Variants in GRB14 observed in about 807,000 individuals in gnomAD.
GRB14 encodes the protein growth factor receptor bound protein 14, also known as growth factor receptor-bound protein 14.
Under a neutral mutation model 69.1 loss-of-function variants are expected in GRB14, and 38 were observed. The ratio of observed to expected loss-of-function variants is 0.55; its 90% CI spans 0.42 to 0.72. GRB14 has a LOEUF of 0.72. Ranked by LOEUF, GRB14 falls within the 30% of genes least tolerant of loss-of-function variation. The probability of loss-of-function intolerance (pLI) is 0.00; values close to 1 mark genes in which losing one functional copy is unlikely to be tolerated. For synonymous variants in GRB14, 247 were observed against 241.3 expected, an observed-to-expected ratio of 1.02 and a Z score of -0.22; for missense variants, 666 against 666.1, an observed-to-expected ratio of 1.00 and a Z score of 0.00.
intron 3 of GRB14, among the ~76,000 whole-genome samples, chr2:164,545,408 T>A (rs962268130): frequency 1.3e-5 from 2 of 152,078 alleles, no homozygotes; most frequent in Non-Finnish European, 2.9e-5. Flanking sequence ...TTACCGCTTT[T>A]ATAAGAAAGA....
intron 3 of GRB14, among the ~76,000 whole-genome samples, chr2:164,528,192 A>G (rs906912762): frequency 2.6e-5 from 4 of 152,108 alleles, no homozygotes; most frequent in Admixed American, 1.3e-4. Flanking sequence ...CACTGGGGTG[A>G]GTACAATACT....
intron 2 of GRB14, among the ~76,000 whole-genome samples, chr2:164,555,682 CATG>C (rs1278937282): frequency 1.3e-5 from 2 of 149,834 alleles, no homozygotes; most frequent in Admixed American, 1.3e-4. Context: ...ATGACCTTAG[CATG>C]ATGAGACATA....
chr2:164,497,933 A>G (rs1686947619), intron 9 of GRB14, among the ~76,000 whole-genome samples: 1 of 152,198 alleles, frequency 6.6e-6, no homozygotes, highest in Non-Finnish European at 1.5e-5. Context: ...ATTAAATGTC[A>G]AATCCATCTA....
intron 2 of GRB14, among the ~76,000 whole-genome samples, chr2:164,570,338 A>C (rs191662111): frequency 6.6e-6 from 1 of 151,698 alleles, no homozygotes; most frequent in East Asian, 1.9e-4. Flanking sequence ...CTGGGGTTCC[A>C]TCATAATGAA....
chr2:164,496,562 C>T (rs762354174), intron 12 of GRB14, among the ~76,000 whole-genome samples: 74 of 152,048 alleles, frequency 4.9e-4, no homozygotes, highest in Non-Finnish European at 1.0e-3. Context: ...GTTCAAAACA[C>T]TTAAGAAACA....
chr2:164,620,526 A>AG (rs397740971), intron 1 of GRB14, among the ~76,000 whole-genome samples: 2 of 151,730 alleles, frequency 1.3e-5, no homozygotes, highest in Non-Finnish European at 2.9e-5. Flanking sequence ...AGGAAAAAAA[A>AG]AGTAACATTT....
Position 164,547,666 on chromosome 2 carries a change from C to G in GRB14, c.475G>C (p.Gly159Arg). Residue 159 changes from glycine to arginine, a missense_variant, in exon 3 of 14, where the codon GGT (glycine) becomes CGT (arginine). Physicochemically the swap from Gly to Arg is moderately radical, Grantham distance 125. Coordinates refer to ENST00000263915, the MANE Select transcript of GRB14 (RefSeq NM_004490.3). ...AATAACTCCGTATCCTTACCTACAC[C>G]TATGTGAGGCAGGTGCTCAAAAAGG... ...WTLFEHLPHIGVERTIEDHEL... is the reference protein window; with the variant it reads ...WTLFEHLPHIRVERTIEDHEL... 2 of 1,612,926 alleles carry G rather than the reference C, an allele frequency of 1.2e-6. No homozygotes were observed. Among genetic ancestry groups the G allele is most frequent in the South Asian group, 2.2e-5 (2 of 90,914 alleles).
rs549299545 is a variant in GRB14 at position 164,597,421 on chromosome 2, A to C, written c.324+22266T>G. ...GTGATAGGGATTATAAAGAAAAATTAGATGTAGCCCCTCCTTTCAAATGCC... is the reference window on the plus strand; with the variant it reads ...GTGATAGGGATTATAAAGAAAAATTCGATGTAGCCCCTCCTTTCAAATGCC... On this transcript the variant is annotated intron_variant, in intron 2 of 13. Coordinates refer to ENST00000263915, the MANE Select transcript of GRB14 (RefSeq NM_004490.3). Among the ~76,000 whole-genome samples, 13 of 152,334 alleles carry C rather than the reference A, an allele frequency of 8.5e-5. No individual in the cohort carries two copies. The South Asian group carries it at 2.7e-3, about 32-fold the overall frequency.
At chr2:164,619,992 T>C (rs1558888308) in intron 1 of GRB14, 173 bp from the exon 2 acceptor site, 1 of 465,248 alleles carries the variant, frequency 2.1e-6, no homozygotes, top group Non-Finnish European at 3.8e-6. Context: ...CAAAATACAG[T>C]ATGTTAATTA....
At chr2:164,495,517 C>T (rs899435554) in intron 12 of GRB14, among the ~76,000 whole-genome samples, 1 of 152,156 alleles carries the variant, frequency 6.6e-6, no homozygotes, top group African/African-American at 2.4e-5. Flanking sequence ...GAGAAAAATG[C>T]TGCCAGAAGT....
intron 9 of GRB14, among the ~76,000 whole-genome samples, chr2:164,497,804 C>T (rs1353020191): frequency 2.6e-5 from 4 of 152,118 alleles, no homozygotes; most frequent in Admixed American, 6.6e-5. Flanking sequence ...TATCTTTTCA[C>T]GTTCTCTAGT....
intron 2 of GRB14, among the ~76,000 whole-genome samples, chr2:164,567,897 A>C (rs1222163200): frequency 6.6e-6 from 1 of 152,176 alleles, no homozygotes; most frequent in Non-Finnish European, 1.5e-5. Context: ...TCTATTCAAC[A>C]ATGAAGAGAT....
intron 5 of GRB14, among the ~76,000 whole-genome samples, chr2:164,523,961 A>AGCT (rs1001630674): frequency 2.0e-5 from 3 of 152,112 alleles, no homozygotes; most frequent in African/African-American, 7.2e-5. Context: ...CCTGGGGCAC[A>AGCT]GCTGCTGCTG....
chr2:164,577,833 A>AT (rs909689913), intron 2 of GRB14, among the ~76,000 whole-genome samples: 3 of 152,312 alleles, frequency 2.0e-5, no homozygotes, highest in African/African-American at 2.4e-5. Flanking sequence ...CAAAATATAG[A>AT]TTTTTTTACC....
At chr2:164,521,369 G>T (rs550320520) in intron 6 of GRB14, among the ~76,000 whole-genome samples, 13 of 152,076 alleles carry the variant, frequency 8.5e-5, no homozygotes, top group Non-Finnish European at 1.8e-4. Context: ...TCAGGGAAAA[G>T]GTGGGAGGGG....
intron 2 of GRB14, among the ~76,000 whole-genome samples, chr2:164,553,025 A>G (rs1688584799): frequency 6.6e-6 from 1 of 152,144 alleles, no homozygotes; most frequent in Non-Finnish European, 1.5e-5. Context: ...AGAATGATCT[A>G]GGGGTTGCTG....
intron 2 of GRB14, among the ~76,000 whole-genome samples, chr2:164,613,635 G>C (rs1158321155): frequency 6.6e-6 from 1 of 152,220 alleles, no homozygotes; most frequent in Non-Finnish European, 1.5e-5. Flanking sequence ...TGGTATGTTT[G>C]TGGGAGAACA....
intron 2 of GRB14, among the ~76,000 whole-genome samples, chr2:164,566,352 A>G (rs1474248): frequency 0.78 from 118,505 of 152,018 alleles, 46,647 homozygotes; most frequent in African/African-American, 0.83. Context: ...GGGTATTTTC[A>G]GAGTTAAAAT....
intron 1 of GRB14, among the ~76,000 whole-genome samples, 195 bp downstream of exon 1, chr2:164,620,924 T>C (rs997820746): frequency 1.2e-4 from 18 of 152,156 alleles, no homozygotes; most frequent in African/African-American, 3.4e-4. Flanking sequence ...GAAACGGTGA[T>C]GCTATTTATA....
Sources: allele counts gnomAD v4.1 joint callset (sites outside exome capture counted in the v4.1 genomes callset), GRCh38; gene constraint gnomAD v4.1.1; transcripts MANE v1.5; gene names NCBI Gene and HGNC (gene_info 2026-07-23, HGNC 2026-07-21).